PIKFYVE: variants seen among roughly 807,000 people sequenced by gnomAD.
The protein encoded by PIKFYVE is phosphoinositide kinase, FYVE-type zinc finger containing, also known as 1-phosphatidylinositol 3-phosphate 5-kinase.
In PIKFYVE, 122 loss-of-function variants were observed where a neutral mutation model predicts 257.9. The ratio of observed to expected loss-of-function variants is 0.47; its 90% CI spans 0.41 to 0.55. The LOEUF (loss-of-function observed/expected upper bound fraction) is 0.55. PIKFYVE is among the 20% of genes least tolerant of loss of function. PIKFYVE has a pLI of 0.00. For synonymous variants in PIKFYVE, 892 were observed against 868.9 expected, an observed-to-expected ratio of 1.03 and a Z score of -0.47; for missense variants, 2,160 against 2,536.6, an observed-to-expected ratio of 0.85 and a Z score of 3.19.
intron 39 of PIKFYVE, among the ~76,000 whole-genome samples, chr2:208,353,248 A>T (rs925290317): frequency 2.0e-5 from 3 of 152,212 alleles, no homozygotes; most frequent in African/African-American, 7.2e-5. Context: ...TTCATTGAGA[A>T]CACCTTCTAT....
chr2:208,302,099 T>C (rs1693764286), intron 9 of PIKFYVE, 143 bp from the exon 10 acceptor site: 1 of 707,394 alleles, frequency 1.4e-6, no homozygotes, highest in African/African-American at 1.8e-5. Flanking sequence ...CTCTCTCGTT[T>C]CGTCCTTTAC....
At chr2:208,311,980 A>G (rs1694983596) in intron 12 of PIKFYVE, among the ~76,000 whole-genome samples, 1 of 152,190 alleles carries the variant, frequency 6.6e-6, no homozygotes, top group Non-Finnish European at 1.5e-5. Flanking sequence ...TCTATCTGAC[A>G]TTTGAATTAA....
Position 208,325,436 on chromosome 2 carries a change from T to C in PIKFYVE, c.2625T>C (p.Asp875=). ...HSQLEISFLM[D]EFAMPPTLMQ... Reference sequence around the variant, plus strand: ...AACTAGAAATATCCTTTCTCATGGATGAATTTGCTATGCCTCCCACATTAA... The same window carrying C: ...AACTAGAAATATCCTTTCTCATGGACGAATTTGCTATGCCTCCCACATTAA... Residue 875 remains aspartate (D), a synonymous_variant, in exon 20 of 42, where the codon GAT becomes GAC. Transcript: ENST00000264380. The C allele has an allele frequency of 6.2e-7, 1 of 1,614,186 alleles. No individual in the cohort carries two copies. Among genetic ancestry groups the C allele is most frequent in the East Asian group, 2.2e-5 (1 of 44,876 alleles).
intron 7 of PIKFYVE, among the ~76,000 whole-genome samples, chr2:208,293,082 C>CTT (rs60283252): frequency 0.011 from 1,568 of 137,524 alleles, 14 homozygotes; most frequent in Admixed American, 0.014. Context: ...GAGTTACATT[C>CTT]TTTTTTTTTT....
chr2:208,338,643 G>A, intron 29 of PIKFYVE, 75 bp downstream of exon 29: 1 of 1,452,718 alleles, frequency 6.9e-7, no homozygotes, highest in Non-Finnish European at 9.6e-7. Context: ...GTTTTAAACT[G>A]TTTGAGCAGT....
At position 208,285,745 on chromosome 2, in the gene PIKFYVE, A is replaced by G. The variant is rs1185615640; in HGVS notation, c.633A>G (p.Thr211=). The change falls in exon 6 of 42, where the codon ACA becomes ACG. Residue 211 remains threonine (T), a synonymous_variant. Coordinates refer to ENST00000264380, the MANE Select transcript of PIKFYVE (RefSeq NM_015040.4). ...TCCTAGGAGACCTCCGAGCTTGCAC[A>G]TATTGTAGAAAAATAGCCTTAAGTT... ...MGYTGDLRAC[T]YCRKIALSYA... is the part of the protein sequence containing the mutation. The G allele has an allele frequency of 1.2e-6, 2 of 1,613,956 alleles. No individual in the cohort carries two copies. The highest frequency in any genetic ancestry group is 2.2e-5 in the South Asian group (2 of 91,078).
intron 13 of PIKFYVE, among the ~76,000 whole-genome samples, chr2:208,313,804 A>C (rs996374668): frequency 1.3e-5 from 2 of 152,150 alleles, no homozygotes; most frequent in East Asian, 3.8e-4. Flanking sequence ...GCTGGTCTCG[A>C]ACTCCTGACC....
chr2:208,274,879 A>AT (rs1364221207), intron 3 of PIKFYVE, among the ~76,000 whole-genome samples: 12 of 152,138 alleles, frequency 7.9e-5, no homozygotes, highest in Admixed American at 5.9e-4. Context: ...TGAGTGTAGG[A>AT]TTTTTTTATT....
At chr2:208,340,437 T>C (rs1288978351) in intron 31 of PIKFYVE, among the ~76,000 whole-genome samples, 1 of 152,222 alleles carries the variant, frequency 6.6e-6, no homozygotes, top group East Asian at 1.9e-4. Flanking sequence ...TTAATAATTA[T>C]AAAAACATAT....
chr2:208,347,782 A>C (rs1699370963), intron 34 of PIKFYVE, 77 bp from the exon 35 acceptor site: 1 of 1,312,176 alleles, frequency 7.6e-7, no homozygotes, highest in African/African-American at 1.5e-5. Context: ...CAACTAACAA[A>C]GAAATGAGCT....
At chr2:208,323,733 A>C (rs535330916) in intron 17 of PIKFYVE, among the ~76,000 whole-genome samples, 60 of 152,324 alleles carry the variant, frequency 3.9e-4, no homozygotes, top group Admixed American at 1.6e-3. Context: ...CCAACAGTGT[A>C]AAAGTGTTCC....
chr2:208,350,772 AT>A lies in PIKFYVE; in HGVS notation c.5440del (p.Ser1814GlnfsTer23). 1 of 1,614,064 alleles carries A rather than the reference AT, an allele frequency of 6.2e-7. No individual in the cohort carries two copies. The highest frequency in any genetic ancestry group is 8.5e-7 in the Non-Finnish European group (1 of 1,180,022). On this transcript the variant is annotated frameshift_variant and splice_region_variant, in exon 37 of 42. Coordinates refer to ENST00000264380, the MANE Select transcript of PIKFYVE (RefSeq NM_015040.4). LOFTEE classifies it high-confidence loss of function. ...QLINPHVELQFSDANAKFYCR... is the reference protein window; with the variant it reads ...QLINPHVELQXSDANAKFYCR... ...TAAAAAAACTTCTGTTGTTTATAGA[AT>A]TTTCAGATGCTAATGCCAAGTTTTA...
intron 35 of PIKFYVE, among the ~76,000 whole-genome samples, chr2:208,349,414 TA>T (rs908974591): frequency 3.3e-5 from 5 of 151,456 alleles, no homozygotes; most frequent in Admixed American, 6.6e-5. Context: ...CAGTCACATA[TA>T]AAAAAATAGC....
chr2:208,309,721 T>C (rs1468699923), intron 12 of PIKFYVE, among the ~76,000 whole-genome samples: 1 of 152,216 alleles, frequency 6.6e-6, no homozygotes, highest in East Asian at 1.9e-4. Flanking sequence ...TAGTGAACTT[T>C]TGCCACTGTG....
At chr2:208,336,731 A>G in intron 27 of PIKFYVE, 107 bp from the exon 28 acceptor site, 1 of 700,148 alleles carries the variant, frequency 1.4e-6, no homozygotes, top group Non-Finnish European at 2.5e-6. Context: ...GGTAATCCAA[A>G]TAGGAAAACT....
chr2:208,348,200 A>C (rs1367425542), intron 35 of PIKFYVE, among the ~76,000 whole-genome samples, 177 bp downstream of exon 35: 1 of 152,166 alleles, frequency 6.6e-6, no homozygotes, highest in Non-Finnish European at 1.5e-5. Context: ...GAGTCCAACT[A>C]CTTTCAGATT....
rs545712254 is a variant in PIKFYVE, at chr2:208,332,127, A to G, written c.3964-1188A>G. Among the ~76,000 whole-genome samples, 4 of 152,320 alleles carry G rather than the reference A, an allele frequency of 2.6e-5. No individual in the cohort carries two copies. The South Asian group carries it at 6.2e-4, about 24-fold the overall frequency. On this transcript the variant is annotated intron_variant, in intron 23 of 41. Coordinates refer to ENST00000264380, the MANE Select transcript of PIKFYVE (RefSeq NM_015040.4). ...TAAACATAAATATATATAATATCAA[A>G]TTTCTATGAGCCATGATAATAGAAA...
At chr2:208,297,531 A>T (rs573536132) in intron 7 of PIKFYVE, among the ~76,000 whole-genome samples, 1 of 152,302 alleles carries the variant, frequency 6.6e-6, no homozygotes, top group South Asian at 2.1e-4. Flanking sequence ...ACCTAATTCT[A>T]GGTGGCAGCC....
intron 7 of PIKFYVE, among the ~76,000 whole-genome samples, chr2:208,295,896 C>CA (rs1272212462): frequency 1.3e-5 from 2 of 152,116 alleles, no homozygotes; most frequent in African/African-American, 2.4e-5. Context: ...ATTATGTTTG[C>CA]AAAATGGTGA....
Sources: allele counts gnomAD v4.1 joint callset (sites outside exome capture counted in the v4.1 genomes callset), GRCh38; gene constraint gnomAD v4.1.1; transcripts MANE v1.5; gene names NCBI Gene and HGNC (gene_info 2026-07-23, HGNC 2026-07-21).